DGKH: variants seen among roughly 807,000 people sequenced by gnomAD.
DGKH encodes diacylglycerol kinase eta, also known as DAG kinase eta.
In DGKH, 90 loss-of-function variants were observed where a neutral mutation model predicts 159.3. The observed-to-expected ratio is 0.57, with a 90% CI of 0.48 to 0.67. The LOEUF (loss-of-function observed/expected upper bound fraction) is 0.67, where lower values mean the gene tolerates loss of function less well. DGKH is among the 30% of genes least tolerant of loss of function. The probability of loss-of-function intolerance (pLI) is 0.00; values close to 1 mark genes in which losing one functional copy is unlikely to be tolerated. For synonymous variants in DGKH, 536 were observed against 553.8 expected (o/e 0.97, Z 0.45); for missense variants, 1,181 against 1,506.1 (o/e 0.78, Z 3.57).
In DGKH at chr13:42,242,891, A is replaced by T. The variant is rs377138247; in HGVS notation, c.*13703A>T. Reference sequence around the variant, plus strand: ...TTCTCAAATAAAAAGAATGCATTTGAAGAAAGTGTGAAGTCTACGTTGTTT... The same window carrying T: ...TTCTCAAATAAAAAGAATGCATTTGTAGAAAGTGTGAAGTCTACGTTGTTT... On this transcript the variant is annotated 3_prime_UTR_variant, in exon 30 of 30. Coordinates refer to ENST00000337343, the MANE Select transcript of DGKH (RefSeq NM_178009.5). 6 of 152,370 alleles carry T rather than the reference A, an allele frequency of 3.9e-5. No homozygotes were observed. The highest frequency in any genetic ancestry group is 1.4e-4 in the African/African-American group (6 of 41,582). 9.4% of individuals were successfully genotyped at this position (152,370 alleles called of 1,614,324 possible). A position where few individuals can be genotyped will look rare whatever the true frequency, so the allele number is the denominator to read the frequency against.
intron 1 of DGKH, among the ~76,000 whole-genome samples, chr13:42,091,668 CTG>C (rs1256474002): frequency 9.9e-5 from 15 of 152,254 alleles, no homozygotes; most frequent in African/African-American, 3.6e-4. Context: ...TATTTGCAAA[CTG>C]TTCATCTGAC....
At chr13:42,083,459 A>G (rs1954246609) in intron 1 of DGKH, among the ~76,000 whole-genome samples, 1 of 152,206 alleles carries the variant, frequency 6.6e-6, no homozygotes, top group Admixed American at 6.5e-5. Context: ...TTTAAAAACC[A>G]TAGTTATACA....
chr13:42,085,306 C>T (rs1343703519), intron 1 of DGKH, among the ~76,000 whole-genome samples: 1 of 152,090 alleles, frequency 6.6e-6, no homozygotes, highest in South Asian at 2.1e-4. Context: ...GATTCCCTTT[C>T]TCCCTTCCCC....
Position 42,189,272 on chromosome 13 carries a change from GA to G in DGKH, c.1878del (p.Ala627GlnfsTer2), listed in dbSNP as rs1957006740. ...EIMLRANSLK[K>X]AVRQVIEEAG... is the part of the protein sequence containing the mutation. ...TCATGTTGCGGGCAAATAGTTTAAA[GA>G]AAGCAGTGAGGCAAGTCATTGAGGA... is the stretch of plus-strand genomic sequence containing the variant. On this transcript the variant is annotated frameshift_variant, in exon 15 of 30. Transcript: ENST00000337343. LOFTEE classifies it high-confidence loss of function. The G allele has an allele frequency of 1.2e-6, 2 of 1,614,126 alleles. No homozygotes were observed. Among genetic ancestry groups the G allele is most frequent in the Non-Finnish European group, 1.7e-6 (2 of 1,180,046 alleles).
At position 42,232,529 on chromosome 13, in the gene DGKH, A is replaced by ATTCTCAC. The variant is rs1958324051; in HGVS notation, c.*3343_*3349dup. Reference sequence around the variant, plus strand: ...GCCCAATATAATCATGGTTGCTGAAATTCTCACTGCCTTCTACTTTCCTTT... The same window carrying ATTCTCAC: ...GCCCAATATAATCATGGTTGCTGAAATTCTCACTTCTCACTGCCTTCTACTTTCCTTT... On this transcript the variant is annotated 3_prime_UTR_variant, in exon 30 of 30. Transcript: ENST00000337343. 1 of 152,168 alleles carries ATTCTCAC rather than the reference A, an allele frequency of 6.6e-6. No homozygotes were observed. Among genetic ancestry groups the ATTCTCAC allele is most frequent in the Non-Finnish European group, 1.5e-5 (1 of 68,036 alleles). 9.4% of individuals were successfully genotyped at this position (152,168 alleles called of 1,614,324 possible). A position where few individuals can be genotyped will look rare whatever the true frequency, so the allele number is the denominator to read the frequency against.
At chr13:42,085,414 A>G (rs1435576379) in intron 1 of DGKH, among the ~76,000 whole-genome samples, 4 of 152,188 alleles carry the variant, frequency 2.6e-5, no homozygotes, top group Admixed American at 2.6e-4. Flanking sequence ...TCTGAGATAC[A>G]TTGCTGTAAA....
intron 29 of DGKH, among the ~76,000 whole-genome samples, chr13:42,248,941 G>A (rs375093550): frequency 2.0e-5 from 3 of 152,128 alleles, no homozygotes; most frequent in African/African-American, 4.8e-5. Flanking sequence ...GTCCCCGTTA[G>A]GTGATGCGTG....
chr13:42,049,266 C>T (rs1436811885), intron 1 of DGKH, among the ~76,000 whole-genome samples: 1 of 151,994 alleles, frequency 6.6e-6, no homozygotes, highest in African/African-American at 2.4e-5. Flanking sequence ...AGGCTGCGAG[C>T]CTGGGCTCCC....
At chr13:42,124,035 G>C (rs978706461) in intron 1 of DGKH, among the ~76,000 whole-genome samples, 24 of 152,144 alleles carry the variant, frequency 1.6e-4, no homozygotes, top group South Asian at 6.2e-4. Flanking sequence ...ATATGATCAT[G>C]ATATCTCAAT....
At chr13:42,132,707 G>C (rs983733359) in intron 3 of DGKH, among the ~76,000 whole-genome samples, 1 of 152,132 alleles carries the variant, frequency 6.6e-6, no homozygotes, top group African/African-American at 2.4e-5. Flanking sequence ...TTTGAGACCA[G>C]CCTGGGGAAC....
rs1958186788 is a variant in DGKH at position 42,228,272 on chromosome 13, GAAT to G, written c.3574-820_3574-818del. Among the ~76,000 whole-genome samples the G allele has an allele frequency of 3.3e-5, 5 of 152,204 alleles. No homozygotes were observed. In the South Asian group the frequency reaches 1.0e-3, roughly 32 times the overall value. On this transcript the variant is annotated intron_variant, in intron 29 of 29. Coordinates refer to ENST00000337343, the MANE Select transcript of DGKH (RefSeq NM_178009.5). ...AAGAAGAAGTTTCTTTAAGAAGCAA[GAAT>G]AATAATTTTGAGAGAAAAGAGCCAA...
In DGKH at chr13:42,230,235, G is replaced by T. The variant is rs1246706819; in HGVS notation, c.*1047G>T. On this transcript the variant is annotated 3_prime_UTR_variant, in exon 30 of 30. Coordinates refer to ENST00000337343, the MANE Select transcript of DGKH (RefSeq NM_178009.5). The stretch of plus-strand genomic sequence containing the variant: ...CCAGGAATTCCCTGAGGTGTCAACT[G>T]AGATTTATATACTGACAGATAACCC... The T allele has an allele frequency of 1.3e-5, 2 of 152,084 alleles. No individual in the cohort carries two copies. The highest frequency in any genetic ancestry group is 4.8e-5 in the African/African-American group (2 of 41,414). 9.4% of individuals were successfully genotyped at this position (152,084 alleles called of 1,614,324 possible). A position where few individuals can be genotyped will look rare whatever the true frequency, so the allele number is the denominator to read the frequency against.
At chr13:42,250,256 C>A (rs1958612184) in intron 29 of DGKH, among the ~76,000 whole-genome samples, 1 of 150,442 alleles carries the variant, frequency 6.6e-6, no homozygotes, top group Non-Finnish European at 1.5e-5. Context: ...GGCATGAGCC[C>A]CCACGACCGG....
intron 25 of DGKH, among the ~76,000 whole-genome samples, chr13:42,214,892 T>C (rs77789749): frequency 0.016 from 2,415 of 152,286 alleles, 56 homozygotes; most frequent in African/African-American, 0.053. Flanking sequence ...TAATCGTCCT[T>C]TCTTACTCCT....
chr13:42,248,475 A>T (rs1181928587), intron 29 of DGKH, among the ~76,000 whole-genome samples: 1 of 147,216 alleles, frequency 6.8e-6, no homozygotes, highest in East Asian at 1.9e-4. Context: ...TATATAATTT[A>T]TATATAATAT....
At chr13:42,129,790 A>C (rs1955251741) in intron 3 of DGKH, among the ~76,000 whole-genome samples, 158 bp downstream of exon 3, 1 of 152,146 alleles carries the variant, frequency 6.6e-6, no homozygotes, top group African/African-American at 2.4e-5. Context: ...ATATTCTAAC[A>C]CCCAGTACCA....
rs967809799 is a variant in DGKH at position 42,240,801 on chromosome 13, T to C, written c.*11613T>C. 6.6e-6 allele frequency: 1 copy of C among 152,166 alleles called. No homozygotes were observed. Among genetic ancestry groups the C allele is most frequent in the Non-Finnish European group, 1.5e-5 (1 of 68,032 alleles). The allele number at this position is 152,166 out of a possible 1,614,324, so 9.4% of individuals were successfully genotyped here. On this transcript the variant is annotated 3_prime_UTR_variant, in exon 30 of 30. Transcript: ENST00000337343. ...TCATAAAGGCTAACACAGAAAGCTT[T>C]TCCAAGTTAATAATTTCTAAAATTA...
intron 3 of DGKH, among the ~76,000 whole-genome samples, chr13:42,142,105 T>G (rs919173735): frequency 6.6e-6 from 1 of 151,984 alleles, no homozygotes; most frequent in Non-Finnish European, 1.5e-5. Flanking sequence ...GTTTCAGCTT[T>G]CTACATATGG....
At chr13:42,070,987 GA>G in intron 1 of DGKH, 1 of 1,324,026 alleles carries the variant, frequency 7.6e-7, no homozygotes. Flanking sequence ...GTCTACAGCA[GA>G]AAAAAACAAG....
Sources: allele counts gnomAD v4.1 joint callset (sites outside exome capture counted in the v4.1 genomes callset), GRCh38; gene constraint gnomAD v4.1.1; transcripts MANE v1.5; gene names NCBI Gene and HGNC (gene_info 2026-07-23, HGNC 2026-07-21).